The following PDZRN4 variants were observed in gnomAD, a reference collection of about 807,000 sequenced individuals.
The protein encoded by PDZRN4 is PDZ domain containing ring finger 4.
A neutral mutation model predicts 99.0 loss-of-function variants in PDZRN4; 70 were observed. That is an observed-to-expected ratio of 0.71 (90% CI 0.58 to 0.86). PDZRN4 has a LOEUF of 0.86. Among genes scored for constraint, PDZRN4 ranks in the 40% least tolerant of loss-of-function variants. The pLI, the probability that PDZRN4 is intolerant of heterozygous loss-of-function variation, is 0.00. For synonymous variants in PDZRN4, 551 were observed against 501.6 expected (o/e 1.10, Z -1.32); for missense variants, 1,474 against 1,331.2 (o/e 1.11, Z -1.67).
intron 5 of PDZRN4, among the ~76,000 whole-genome samples, chr12:41,514,117 G>T (rs557832246): frequency 6.7e-4 from 102 of 152,142 alleles, no homozygotes; most frequent in Admixed American, 1.2e-3. Context: ...GCTTGAAGAG[G>T]TATTAAAAGT....
chr12:41,250,724 G>C (rs1033616008), intron 3 of PDZRN4, among the ~76,000 whole-genome samples: 1 of 152,214 alleles, frequency 6.6e-6, no homozygotes, highest in Non-Finnish European at 1.5e-5. Flanking sequence ...TTGCACTTAC[G>C]TGTTGAGAGG....
intron 3 of PDZRN4, among the ~76,000 whole-genome samples, chr12:41,205,491 G>A (rs1456153185): frequency 6.6e-6 from 1 of 151,846 alleles, no homozygotes; most frequent in East Asian, 1.9e-4. Context: ...CATTGTTCAA[G>A]CTACACTGGC....
intron 3 of PDZRN4, among the ~76,000 whole-genome samples, chr12:41,222,946 A>G (rs541096222): frequency 1.3e-5 from 2 of 152,314 alleles, no homozygotes; most frequent in East Asian, 3.9e-4. Context: ...CTTGGCTAGA[A>G]CTACTCATTT....
intron 8 of PDZRN4, among the ~76,000 whole-genome samples, chr12:41,564,725 A>G (rs1278063625): frequency 4.6e-5 from 7 of 152,030 alleles, no homozygotes; most frequent in Admixed American, 2.0e-4. Flanking sequence ...AGGAGTGGGG[A>G]AAAAAGCCCA....
chr12:41,486,901 T>C (rs1937786023), intron 3 of PDZRN4, among the ~76,000 whole-genome samples: 1 of 152,264 alleles, frequency 6.6e-6, no homozygotes, highest in East Asian at 1.9e-4. Flanking sequence ...GCCTTTGCCA[T>C]GGCTGCTTCT....
intron 3 of PDZRN4, among the ~76,000 whole-genome samples, chr12:41,197,919 G>GTTTTTTT (rs764851464): frequency 3.5e-5 from 4 of 113,460 alleles, no homozygotes; most frequent in South Asian, 3.0e-4. Context: ...GTTTTTTCTG[G>GTTTTTTT]GTTTTTTTTT....
intron 3 of PDZRN4, among the ~76,000 whole-genome samples, chr12:41,274,825 C>T (rs988880845): frequency 2.6e-5 from 4 of 152,156 alleles, no homozygotes; most frequent in African/African-American, 4.8e-5. Flanking sequence ...GATTAATTCC[C>T]TTCCTGTTTA....
At chr12:41,557,224 A>C (rs969957575) in intron 7 of PDZRN4, among the ~76,000 whole-genome samples, 3 of 151,744 alleles carry the variant, frequency 2.0e-5, no homozygotes, top group African/African-American at 7.3e-5. Context: ...GAACAGATCA[A>C]CTCCAAGATA....
chr12:41,270,401 T>C (rs1951307507), intron 3 of PDZRN4, among the ~76,000 whole-genome samples: 1 of 151,622 alleles, frequency 6.6e-6, no homozygotes, highest in African/African-American at 2.4e-5. Flanking sequence ...AAGCAACTTA[T>C]AGAAATAAAG....
intron 3 of PDZRN4, among the ~76,000 whole-genome samples, chr12:41,384,495 T>C (rs1952151671): frequency 6.6e-6 from 1 of 152,314 alleles, no homozygotes; most frequent in African/African-American, 2.4e-5. Context: ...TGCTGGATTA[T>C]TTTAAGTTGT....
chr12:41,364,074 A>G (rs1470945003), intron 3 of PDZRN4, among the ~76,000 whole-genome samples: 1 of 152,082 alleles, frequency 6.6e-6, no homozygotes, highest in East Asian at 1.9e-4. Flanking sequence ...TAATACAAGG[A>G]AGAAGATCAT....
intron 9 of PDZRN4, among the ~76,000 whole-genome samples, chr12:41,568,879 A>G (rs569823733): frequency 6.6e-6 from 1 of 151,544 alleles, no homozygotes; most frequent in Admixed American, 6.6e-5. Context: ...ATCTCAGCTC[A>G]CTGGAACCTC....
intron 3 of PDZRN4, among the ~76,000 whole-genome samples, chr12:41,423,866 T>G (rs548421161): frequency 6.6e-6 from 1 of 152,292 alleles, no homozygotes; most frequent in South Asian, 2.1e-4. Context: ...TAATCAGTCC[T>G]ATCAGCAGCA....
chr12:41,265,761 AT>A (rs1198810599), intron 3 of PDZRN4, among the ~76,000 whole-genome samples: 6 of 152,208 alleles, frequency 3.9e-5, no homozygotes, highest in Admixed American at 3.9e-4. Context: ...ACTTAAATCA[AT>A]GTATTGTAAA....
At chr12:41,313,242 C>T (rs2120955135) in intron 3 of PDZRN4, among the ~76,000 whole-genome samples, 1 of 152,286 alleles carries the variant, frequency 6.6e-6, no homozygotes, top group Admixed American at 6.5e-5. Context: ...CACATTAGTT[C>T]ACTGCATCAC....
chr12:41,458,887 G>A (rs1474275553), intron 3 of PDZRN4, among the ~76,000 whole-genome samples: 1 of 152,180 alleles, frequency 6.6e-6, no homozygotes, highest in African/African-American at 2.4e-5. Context: ...GTTAGGGAGA[G>A]AAAGAAGTCA....
intron 3 of PDZRN4, among the ~76,000 whole-genome samples, chr12:41,352,721 C>A (rs748701698): frequency 2.0e-5 from 3 of 152,062 alleles, no homozygotes; most frequent in Admixed American, 6.6e-5. Flanking sequence ...TTAAAACCAA[C>A]TTCCAGGCTA....
At chr12:41,351,980 A>AAAATAAAT (rs138301663) in intron 3 of PDZRN4, among the ~76,000 whole-genome samples, 16,632 of 142,928 alleles carry the variant, frequency 0.12, 1,056 homozygotes, top group East Asian at 0.19. Context: ...CCATTGTCTC[A>AAAATAAAT]AAATAAATAA....
intron 3 of PDZRN4, among the ~76,000 whole-genome samples, chr12:41,459,653 C>T (rs900877272): frequency 6.6e-6 from 1 of 152,022 alleles, no homozygotes; most frequent in African/African-American, 2.4e-5. Flanking sequence ...ACTTATATAC[C>T]CCAAGATTCT....
Sources: allele counts gnomAD v4.1 joint callset (sites outside exome capture counted in the v4.1 genomes callset), GRCh38; gene constraint gnomAD v4.1.1; transcripts MANE v1.5; gene names NCBI Gene and HGNC (gene_info 2026-07-23, HGNC 2026-07-21).